ASCC1: variants seen among roughly 807,000 people sequenced by gnomAD.
ASCC1 encodes activating signal cointegrator 1 complex subunit 1, also known as ASC-1 complex subunit P50.
In ASCC1, 35 loss-of-function variants were observed where a neutral mutation model predicts 46.6. The observed-to-expected ratio is 0.75, with a 90% CI of 0.57 to 0.99. The LOEUF is 0.99. Ranked by LOEUF, ASCC1 falls within the 50% of genes least tolerant of loss-of-function variation. ASCC1 has a pLI of 0.00. For missense variants in ASCC1, 376 were observed against 428.7 expected, an observed-to-expected ratio of 0.88 and a Z score of 1.09; for synonymous variants, 143 against 146.6, an observed-to-expected ratio of 0.98 and a Z score of 0.18.
At chr10:72,144,799 C>T (rs1267089213) in intron 7 of ASCC1, among the ~76,000 whole-genome samples, 1 of 152,138 alleles carries the variant, frequency 6.6e-6, no homozygotes, top group African/African-American at 2.4e-5. Flanking sequence ...TATTTTAGTT[C>T]TATCATTTTT....
intron 5 of ASCC1, among the ~76,000 whole-genome samples, chr10:72,182,253 T>A (rs1381318891): frequency 1.3e-5 from 2 of 152,164 alleles, no homozygotes; most frequent in Non-Finnish European, 2.9e-5. Flanking sequence ...AGGTCACACT[T>A]CAAAGTGGTA....
chr10:72,128,402 A>C (rs1383586120), intron 8 of ASCC1, among the ~76,000 whole-genome samples: 1 of 152,238 alleles, frequency 6.6e-6, no homozygotes, highest in Non-Finnish European at 1.5e-5. Context: ...GACATTCTCC[A>C]GGCACTCACT....
At chr10:72,119,235 G>A (rs538815562) in intron 9 of ASCC1, among the ~76,000 whole-genome samples, 3 of 152,224 alleles carry the variant, frequency 2.0e-5, no homozygotes, top group African/African-American at 7.2e-5. Flanking sequence ...CTTCCAGCAG[G>A]GGGAGGAATA....
rs1010308351 is a variant in ASCC1, at chr10:72,096,617, C to T, written c.*717G>A. ...AGTCTCAAAGAGATATTTGCACCCC[C>T]GTGTCTGTATTAGCACTACTCCCAA... On this transcript the variant is annotated 3_prime_UTR_variant, in exon 10 of 10. Coordinates refer to ENST00000672957, the MANE Select transcript of ASCC1 (RefSeq NM_001198800.3). 6.8e-5 allele frequency: 31 copies of T among 453,662 alleles called. No homozygotes were observed. The highest frequency in any genetic ancestry group is 1.1e-4 in the Non-Finnish European group (26 of 226,528). The allele number at this position is 453,662 out of a possible 1,614,324, so 28.1% of individuals were successfully genotyped here.
chr10:72,182,596 G>A (rs1034282937), intron 5 of ASCC1, among the ~76,000 whole-genome samples: 2 of 152,146 alleles, frequency 1.3e-5, no homozygotes, highest in Non-Finnish European at 2.9e-5. Flanking sequence ...AAAGTCTAAA[G>A]AGGACTGTAT....
intron 9 of ASCC1, among the ~76,000 whole-genome samples, chr10:72,104,814 C>CGCTGTG (rs988122560): frequency 3.9e-5 from 6 of 152,218 alleles, no homozygotes; most frequent in African/African-American, 1.4e-4. Flanking sequence ...AACTGCCAAT[C>CGCTGTG]GCTGTGATAT....
intron 3 of ASCC1, 44 bp downstream of exon 3, chr10:72,210,688 T>A: frequency 6.4e-7 from 1 of 1,554,462 alleles, no homozygotes; most frequent in Non-Finnish European, 8.9e-7. Context: ...CCGCTGAGTT[T>A]CCTGGAAGTG....
At chr10:72,157,871 C>G (rs955399435) in intron 6 of ASCC1, among the ~76,000 whole-genome samples, 4 of 152,152 alleles carry the variant, frequency 2.6e-5, no homozygotes, top group African/African-American at 9.7e-5. Context: ...ACACTGGTGT[C>G]AGAAAATAGT....
chr10:72,102,306 T>TAA, intron 9 of ASCC1: 1 of 1,540,830 alleles, frequency 6.5e-7, no homozygotes, highest in Non-Finnish European at 8.8e-7. Context: ...AGTTCAGGTG[T>TAA]GTTTACACAC....
chr10:72,183,303 A>G (rs1852927344), intron 5 of ASCC1, among the ~76,000 whole-genome samples: 1 of 152,132 alleles, frequency 6.6e-6, no homozygotes, highest in Non-Finnish European at 1.5e-5. Flanking sequence ...TCAGCCTCCC[A>G]AAGTACTGGG....
chr10:72,166,275 C>G (rs1488316686), intron 5 of ASCC1, among the ~76,000 whole-genome samples: 1 of 152,092 alleles, frequency 6.6e-6, no homozygotes, highest in African/African-American at 2.4e-5. Context: ...TAAAAAGAAT[C>G]TCATAATTCT....
chr10:72,205,949 C>G (rs1452647358), intron 3 of ASCC1, among the ~76,000 whole-genome samples: 1 of 151,504 alleles, frequency 6.6e-6, no homozygotes, highest in Non-Finnish European at 1.5e-5. Context: ...ACTAAAAATA[C>G]AAAAATTACC....
At chr10:72,189,124 G>C (rs1853965879) in intron 5 of ASCC1, among the ~76,000 whole-genome samples, 1 of 152,104 alleles carries the variant, frequency 6.6e-6, no homozygotes, top group African/African-American at 2.4e-5. Flanking sequence ...AGTTAGGCCA[G>C]GCGCAGTGGC....
intron 6 of ASCC1, among the ~76,000 whole-genome samples, chr10:72,159,837 G>A (rs1018587767): frequency 2.0e-5 from 3 of 150,490 alleles, no homozygotes; most frequent in African/African-American, 2.4e-5. Context: ...AAGAAAAATA[G>A]TTTGTCTTTG....
chr10:72,173,037 T>G (rs563406093), intron 5 of ASCC1, among the ~76,000 whole-genome samples: 222 of 146,024 alleles, frequency 1.5e-3, no homozygotes, highest in African/African-American at 5.2e-3. Flanking sequence ...ATATAGTGAC[T>G]AGAGAGAGAA....
chr10:72,119,962 T>A (rs1252053531), intron 9 of ASCC1, among the ~76,000 whole-genome samples: 2 of 152,132 alleles, frequency 1.3e-5, no homozygotes, highest in African/African-American at 4.8e-5. Flanking sequence ...ACAGGCTGGG[T>A]GCAGTGGCTC....
chr10:72,196,088 T>C (rs1184869849), intron 5 of ASCC1, among the ~76,000 whole-genome samples: 2 of 152,122 alleles, frequency 1.3e-5, no homozygotes, highest in African/African-American at 4.8e-5. Flanking sequence ...GCTATTATCC[T>C]GGTCACAAGC....
chr10:72,195,049 T>C (rs1240434539), intron 5 of ASCC1, among the ~76,000 whole-genome samples: 2 of 151,976 alleles, frequency 1.3e-5, no homozygotes, highest in Admixed American at 6.6e-5. Flanking sequence ...GCCCAGATTA[T>C]GTTATTTTAG....
intron 5 of ASCC1, among the ~76,000 whole-genome samples, chr10:72,180,456 T>C (rs1320525115): frequency 6.6e-6 from 1 of 151,984 alleles, no homozygotes; most frequent in Non-Finnish European, 1.5e-5. Context: ...TGAAACCTTG[T>C]CTCTACTAAA....
Sources: gnomAD v4.1 joint callset for allele counts (sites outside exome capture counted in the v4.1 genomes callset) on GRCh38, gnomAD v4.1.1 for gene constraint, MANE v1.5 for transcripts, NCBI Gene and HGNC (gene_info 2026-07-23, HGNC 2026-07-21) for gene names.